SH3TC1: variants seen among roughly 807,000 people sequenced by gnomAD.
The protein encoded by SH3TC1 is SH3 domain and tetratricopeptide repeat-containing protein 1.
In SH3TC1, 135 loss-of-function variants were observed where a neutral mutation model predicts 117.3. The observed-to-expected ratio is 1.15, with a 90% CI of 1.00 to 1.33. The LOEUF is 1.33. Among genes scored for constraint, SH3TC1 ranks in the 40% most tolerant of loss-of-function variants. The probability of loss-of-function intolerance (pLI) is 0.00; values close to 1 mark genes in which losing one functional copy is unlikely to be tolerated. For synonymous variants in SH3TC1, 898 were observed against 816.9 expected (o/e 1.10, Z -1.69); for missense variants, 2,092 against 1,794.3 (o/e 1.17, Z -3.00).
chr4:8,221,775 G>A (rs1026932207), intron 9 of SH3TC1, among the ~76,000 whole-genome samples: 2 of 152,188 alleles, frequency 1.3e-5, no homozygotes, highest in Non-Finnish European at 2.9e-5. Context: ...CTCAGATTTT[G>A]CCAGGAGCCA....
At position 8,205,190 on chromosome 4, in the gene SH3TC1, G is replaced by C. The variant is rs369455957; in HGVS notation, c.-5G>C. 6 of 1,519,868 alleles carry C rather than the reference G, an allele frequency of 3.9e-6. No individual in the cohort carries two copies. In the African/African-American group the frequency reaches 8.3e-5, roughly 21 times the overall value. The allele number at this position is 1,519,868 out of a possible 1,614,324, so 94.1% of individuals were successfully genotyped here. A position where few individuals can be genotyped will look rare whatever the true frequency, so the allele number is the denominator to read the frequency against. ...AGGGCCAGGCATGTGAGGTCTCTGC[G>C]GGTCATGGAGAACCTCCCTGCCGTG... On this transcript the variant is annotated 5_prime_UTR_variant, in exon 2 of 18. Transcript: ENST00000245105. The surrounding 1 kb of genome is among the most constrained non-coding windows in gnomAD (Gnocchi z 5.4).
At chr4:8,201,540 C>T (rs1578647308) in intron 1 of SH3TC1, 1 of 152,530 alleles carries the variant, frequency 6.6e-6, no homozygotes, top group Non-Finnish European at 1.5e-5. Context: ...TGGTGGTCCC[C>T]CAGCTGGGTG....
rs1000502171 is a variant in SH3TC1, at chr4:8,202,909, G to A, written c.-28-2258G>A. 3.9e-5 allele frequency among the ~76,000 whole-genome samples: 6 copies of A among 152,198 alleles called. No homozygotes were observed. In the East Asian group the frequency reaches 7.7e-4, roughly 20 times the overall value. On this transcript the variant is annotated intron_variant, in intron 1 of 17. Coordinates refer to ENST00000245105, the MANE Select transcript of SH3TC1 (RefSeq NM_018986.5). ...TTGTTGAAACCAAGGACTTTAGACC[G>A]TGGGCTCCTCCCGCCCCTGCTCTGC...
intron 5 of SH3TC1, among the ~76,000 whole-genome samples, chr4:8,214,876 G>C (rs1719094761): frequency 6.6e-6 from 1 of 152,136 alleles, no homozygotes; most frequent in Non-Finnish European, 1.5e-5. Flanking sequence ...AGTAGAGATG[G>C]GGTTTCACCA....
At chr4:8,229,118 G>A (rs1357209705) in intron 12 of SH3TC1, 1 of 158,782 alleles carries the variant, frequency 6.3e-6, no homozygotes, top group East Asian at 1.9e-4. Flanking sequence ...GTTACCCAAA[G>A]CCGCAGAAAA....
chr4:8,223,781 C>T (rs942283661), intron 10 of SH3TC1, among the ~76,000 whole-genome samples: 11 of 152,156 alleles, frequency 7.2e-5, no homozygotes, highest in South Asian at 2.1e-4. Context: ...TACAGGCACG[C>T]GCCACCACAC....
At position 8,233,360 on chromosome 4, in the gene SH3TC1, C is replaced by T; in HGVS notation, c.3132-3C>T. 1.9e-6 allele frequency: 3 copies of T among 1,603,184 alleles called. No individual in the cohort carries two copies. The highest frequency in any genetic ancestry group is 8.5e-7 in the Non-Finnish European group (1 of 1,174,310). ...TTGTTCTGACACCTGTGTCTGATAC[C>T]AGGGCCTACAAATCCGCACTGGACT... On this transcript the variant is annotated splice_region_variant and splice_polypyrimidine_tract_variant and intron_variant, in intron 13 of 17. Transcript: ENST00000245105.
intron 1 of SH3TC1, among the ~76,000 whole-genome samples, chr4:8,188,319 G>T (rs1317846445): frequency 6.6e-6 from 1 of 152,238 alleles, no homozygotes; most frequent in Non-Finnish European, 1.5e-5. Flanking sequence ...ACTCATCCAT[G>T]TCGGATGCTG....
At chr4:8,229,777 C>A (rs537929071) in intron 12 of SH3TC1, among the ~76,000 whole-genome samples, 18 of 152,058 alleles carry the variant, frequency 1.2e-4, no homozygotes, top group Non-Finnish European at 2.5e-4. Flanking sequence ...TCCAGAAACC[C>A]GGCACCCCAG....
Position 8,237,435 on chromosome 4 carries a change from G to A in SH3TC1, c.3557-39G>A, listed in dbSNP as rs371134417. The A allele has an allele frequency of 3.4e-6, 5 of 1,455,256 alleles. No individual in the cohort carries two copies. The African/African-American group carries it at 7.1e-5, about 21-fold the overall frequency. 90.1% of individuals were successfully genotyped at this position (1,455,256 alleles called of 1,614,324 possible). The stretch of plus-strand genomic sequence containing the variant: ...GGGGTCTGCATGCCTGCCCCGGGGA[G>A]CCACGTCCTCACACCTGCCCCCTTG... On this transcript the variant is annotated intron_variant, in intron 16 of 17. Transcript: ENST00000245105.
chr4:8,217,176 C>CG lies in SH3TC1; in HGVS notation c.839+11dup. On this transcript the variant is annotated intron_variant, in intron 7 of 17. Transcript: ENST00000245105. Reference sequence around the variant, plus strand: ...TTGATTCCATTTCATCAGTAGGTACCGGCCTTTGCTGCTCTGAGAGCTGTT... The same window carrying CG: ...TTGATTCCATTTCATCAGTAGGTACCGGGCCTTTGCTGCTCTGAGAGCTGTT... 6.3e-7 allele frequency: 1 copy of CG among 1,594,010 alleles called. No individual in the cohort carries two copies. The highest frequency in any genetic ancestry group is 8.5e-7 in the Non-Finnish European group (1 of 1,170,322).
In SH3TC1 at chr4:8,232,875, C is replaced by G. The variant is rs138472563; in HGVS notation, c.3132-488C>G. 2.8e-5 allele frequency: 34 copies of G among 1,228,724 alleles called. No homozygotes were observed. In the East Asian group the frequency reaches 1.8e-3, roughly 66 times the overall value. The allele number at this position is 1,228,724 out of a possible 1,614,324, so 76.1% of individuals were successfully genotyped here. On this transcript the variant is annotated intron_variant, in intron 13 of 17. Transcript: ENST00000245105. ...TGTTCTCAAAGTGTGGTCCCTGGACCAGCAGAGCAGCATCCATGTCACCTA... is the reference window on the plus strand; with the variant it reads ...TGTTCTCAAAGTGTGGTCCCTGGACGAGCAGAGCAGCATCCATGTCACCTA...
chr4:8,231,611 T>C lies in SH3TC1; in HGVS notation c.2951-365T>C, dbSNP rs149788626. Reference sequence around the variant, plus strand: ...TGCCGTGTGTGGCAGACGTGACATTTGGTTTTGCTCCCCCAGGGTTCCATC... The same window carrying C: ...TGCCGTGTGTGGCAGACGTGACATTCGGTTTTGCTCCCCCAGGGTTCCATC... On this transcript the variant is annotated intron_variant, in intron 12 of 17. Coordinates refer to ENST00000245105, the MANE Select transcript of SH3TC1 (RefSeq NM_018986.5). 968 of 240,082 alleles carry C rather than the reference T, an allele frequency of 4.0e-3. 5 individuals carry two copies. The highest frequency in any genetic ancestry group is 7.3e-3 in the Middle Eastern group (5 of 682). 14.9% of individuals were successfully genotyped at this position (240,082 alleles called of 1,614,324 possible).
At chr4:8,187,903 TG>T (rs1717280069) in intron 1 of SH3TC1, among the ~76,000 whole-genome samples, 1 of 152,202 alleles carries the variant, frequency 6.6e-6, no homozygotes, top group East Asian at 1.9e-4. Flanking sequence ...ACCTGTGTTT[TG>T]TTGCTCACTT....
rs1317912734 is a variant in SH3TC1, at chr4:8,231,622, C to T, written c.2951-354C>T. The T allele has an allele frequency of 1.1e-5, 3 of 268,814 alleles. No homozygotes were observed. The East Asian group carries it at 2.2e-4, about 20-fold the overall frequency. 16.7% of individuals were successfully genotyped at this position (268,814 alleles called of 1,614,324 possible). A position where few individuals can be genotyped will look rare whatever the true frequency, so the allele number is the denominator to read the frequency against. ...GCAGACGTGACATTTGGTTTTGCTC[C>T]CCCAGGGTTCCATCTGCGACAGGGG... On this transcript the variant is annotated intron_variant, in intron 12 of 17. Transcript: ENST00000245105.
rs759249056 is a variant in SH3TC1 at position 8,227,525 on chromosome 4, T to C, written c.1831T>C (p.Tyr611His). The C allele has an allele frequency of 6.5e-7, 1 of 1,537,194 alleles. No homozygotes were observed. Among genetic ancestry groups the C allele is most frequent in the South Asian group, 1.3e-5 (1 of 77,370 alleles). The change falls in exon 12 of 18, where the codon TAC (tyrosine) becomes CAC (histidine). Residue 611 changes from tyrosine (Y) to histidine (H), a missense_variant. Physicochemically the swap from Tyr to His is moderately conservative, Grantham distance 83. Transcript: ENST00000245105. ...TGTGTACGCCAACCTGGCCAGCATT[T>C]ACCGGAAGCAGAAGAACCGGGAGAA... ...VAVYANLASI[Y>H]RKQKNREKCA...
chr4:8,235,682 C>T (rs1373959589), intron 15 of SH3TC1, 127 bp downstream of exon 15: 1 of 1,313,778 alleles, frequency 7.6e-7, no homozygotes, highest in East Asian at 2.5e-5. Flanking sequence ...GCTTAGTTTC[C>T]TAGTGGTTTC....
chr4:8,230,149 T>G (rs1292798938), intron 12 of SH3TC1, among the ~76,000 whole-genome samples: 1 of 152,228 alleles, frequency 6.6e-6, no homozygotes, highest in Non-Finnish European at 1.5e-5. Context: ...AGTTTGTGTC[T>G]TTCTAGGAGT....
At chr4:8,220,652 C>T (rs1426099459) in intron 9 of SH3TC1, among the ~76,000 whole-genome samples, 2 of 152,176 alleles carry the variant, frequency 1.3e-5, no homozygotes, top group Admixed American at 6.5e-5. Flanking sequence ...GAGAGGCCAC[C>T]TTCTGGGTCA....
Sources: allele counts gnomAD v4.1 joint callset (sites outside exome capture counted in the v4.1 genomes callset), GRCh38; gene constraint gnomAD v4.1.1; non-coding constraint Gnocchi (gnomAD v3.1); transcripts MANE v1.5; gene names NCBI Gene and HGNC (gene_info 2026-07-23, HGNC 2026-07-21).